The following RARB variants were observed in gnomAD, a reference collection of about 807,000 sequenced individuals.
RARB encodes HBV-activated protein.
RARB carries 17 observed loss-of-function variants against 51.9 expected under a neutral mutation model. The ratio of observed to expected loss-of-function variants is 0.33; its 90% CI spans 0.22 to 0.49. The LOEUF (loss-of-function observed/expected upper bound fraction) is 0.49. RARB is among the 20% of genes least tolerant of loss of function. The pLI is 0.99. For missense variants in RARB, 369 were observed against 550.8 expected, an observed-to-expected ratio of 0.67 and a Z score of 3.30; for synonymous variants, 215 against 195.4, an observed-to-expected ratio of 1.10 and a Z score of -0.84.
At chr3:25,079,491 A>G (rs917280081) in intron 3 of RARB, among the ~76,000 whole-genome samples, 2 of 152,212 alleles carry the variant, frequency 1.3e-5, no homozygotes, top group African/African-American at 4.8e-5. Context: ...TAAGTATTAT[A>G]CTAACAGCTG....
chr3:24,873,521 T>C (rs1189268060), intron 2 of RARB, among the ~76,000 whole-genome samples: 1 of 152,086 alleles, frequency 6.6e-6, no homozygotes, highest in Admixed American at 6.5e-5. Flanking sequence ...TTTTCTTTTT[T>C]AGTCTTCTCA....
rs577751643 is a variant in RARB at position 25,043,386 on chromosome 3, C to G, written c.-379-16739C>G. On this transcript the variant is annotated intron_variant, in intron 2 of 11. Coordinates refer to the RARB transcript ENST00000383772. ...ACTCATTTATTAATAGTAATAAATACACCGGCAACAGGCCAAGCACACTTC... is the reference window on the plus strand; with the variant it reads ...ACTCATTTATTAATAGTAATAAATAGACCGGCAACAGGCCAAGCACACTTC... 6.6e-5 allele frequency among the ~76,000 whole-genome samples: 10 copies of G among 152,334 alleles called. No homozygotes were observed. In the East Asian group the frequency reaches 1.5e-3, roughly 24 times the overall value.
chr3:25,261,685 G>A (rs566532520), intron 5 of RARB, among the ~76,000 whole-genome samples: 56 of 152,164 alleles, frequency 3.7e-4, no homozygotes, highest in Non-Finnish European at 6.8e-4. Context: ...GTTATCTTTC[G>A]CCTAAATGAA....
At chr3:25,427,561 A>G (rs529444986), upstream of RARB, among the ~76,000 whole-genome samples, 1 of 152,362 alleles carries the variant, frequency 6.6e-6, no homozygotes, top group South Asian at 2.1e-4. Flanking sequence ...TGTTTGGGAC[A>G]GGGGTAACCA....
intron 2 of RARB, among the ~76,000 whole-genome samples, chr3:24,964,165 C>A (rs1696204551): frequency 6.6e-6 from 1 of 151,512 alleles, no homozygotes; most frequent in Non-Finnish European, 1.5e-5. Flanking sequence ...TAAGGTATAA[C>A]CAGATCTTTT....
At chr3:25,027,780 C>A (rs1263080041) in intron 2 of RARB, among the ~76,000 whole-genome samples, 1 of 152,120 alleles carries the variant, frequency 6.6e-6, no homozygotes, top group East Asian at 1.9e-4. Flanking sequence ...TGAACTATAT[C>A]AGAGACTCAG....
At chr3:25,106,268 A>G (rs1699497189) in intron 3 of RARB, among the ~76,000 whole-genome samples, 1 of 25,428 alleles carries the variant, frequency 3.9e-5, no homozygotes, top group Non-Finnish European at 7.3e-5. Context: ...TGCATGTTTC[A>G]TACAAGTAAA....
chr3:25,437,094 T>G (rs1708465655), intron 1 of RARB, among the ~76,000 whole-genome samples: 1 of 151,496 alleles, frequency 6.6e-6, no homozygotes, highest in Non-Finnish European at 1.5e-5. Context: ...ACCTGTGGCT[T>G]ACGTGCCTTT....
intron 1 of RARB, among the ~76,000 whole-genome samples, chr3:25,439,183 TC>T (rs1708555369): frequency 6.6e-6 from 1 of 152,118 alleles, no homozygotes; most frequent in Non-Finnish European, 1.5e-5. Context: ...TATTTTGTCT[TC>T]CACTACCAAA....
At chr3:25,400,516 T>C (rs1186937869) in intron 5 of RARB, among the ~76,000 whole-genome samples, 1 of 152,192 alleles carries the variant, frequency 6.6e-6, no homozygotes, top group African/African-American at 2.4e-5. Context: ...TCTCAATATT[T>C]ACCTAACTCT....
At chr3:25,569,978 GCAGACACA>G (rs1437937490) in intron 4 of RARB, 60 bp downstream of exon 4, 1 of 1,430,656 alleles carries the variant, frequency 7.0e-7, no homozygotes, top group Non-Finnish European at 9.5e-7. Context: ...GTGCATGTGT[GCAGACACA>G]CACACACACA....
chr3:24,921,452 A>G (rs1451575013), intron 2 of RARB, among the ~76,000 whole-genome samples: 3 of 152,144 alleles, frequency 2.0e-5, no homozygotes, highest in Non-Finnish European at 4.4e-5. Flanking sequence ...GTCTTTAATT[A>G]TATAAAAATG....
intron 2 of RARB, among the ~76,000 whole-genome samples, chr3:25,496,526 C>G (rs1017967510): frequency 1.3e-5 from 2 of 152,204 alleles, no homozygotes; most frequent in African/African-American, 4.8e-5. Context: ...ACTGAGACAC[C>G]TTAATGGATA....
chr3:25,343,442 T>C (rs1481512837), intron 5 of RARB, among the ~76,000 whole-genome samples: 1 of 150,094 alleles, frequency 6.7e-6, no homozygotes, highest in African/African-American at 2.5e-5. Flanking sequence ...TTCATTTCTT[T>C]CCCTCATTTC....
intron 5 of RARB, among the ~76,000 whole-genome samples, chr3:25,284,668 G>A (rs1176347051): frequency 2.0e-5 from 3 of 152,054 alleles, no homozygotes; most frequent in Non-Finnish European, 4.4e-5. Context: ...ATTTGGATGT[G>A]CACTCAGGAT....
intron 5 of RARB, among the ~76,000 whole-genome samples, chr3:25,407,894 A>C (rs957182257): frequency 2.0e-5 from 3 of 152,152 alleles, no homozygotes; most frequent in Non-Finnish European, 4.4e-5. Context: ...TTGCCCTTTT[A>C]GGAGGATAAG....
intron 2 of RARB, among the ~76,000 whole-genome samples, chr3:24,988,425 T>C (rs1696840380): frequency 6.6e-6 from 1 of 152,226 alleles, no homozygotes; most frequent in South Asian, 2.1e-4. Context: ...CATGTTCTTT[T>C]CTACCAGACT....
intron 1 of RARB, among the ~76,000 whole-genome samples, chr3:25,448,397 G>A (rs1237544885): frequency 6.6e-6 from 1 of 151,818 alleles, no homozygotes; most frequent in Non-Finnish European, 1.5e-5. Flanking sequence ...TGCTCTGAAG[G>A]AAAAAAAATA....
At chr3:24,842,186 T>C (rs1702428337) in intron 1 of RARB, among the ~76,000 whole-genome samples, 1 of 152,156 alleles carries the variant, frequency 6.6e-6, no homozygotes, top group Non-Finnish European at 1.5e-5. Flanking sequence ...AGAAAATAAT[T>C]CAGATTATTT....
Sources: allele counts gnomAD v4.1 joint callset (sites outside exome capture counted in the v4.1 genomes callset), GRCh38; gene constraint gnomAD v4.1.1; transcripts MANE v1.5; gene names NCBI Gene and HGNC (gene_info 2026-07-23, HGNC 2026-07-21).